The following PRKAR1B variants were observed in gnomAD, a reference collection of about 807,000 sequenced individuals.
The protein encoded by PRKAR1B is protein kinase cAMP-dependent type I regulatory subunit beta, also known as cAMP-dependent protein kinase type I-beta regulatory subunit.
A neutral mutation model predicts 46.5 loss-of-function variants in PRKAR1B; 22 were observed. The observed-to-expected ratio is 0.47, with a 90% CI of 0.34 to 0.68. The LOEUF is 0.68. PRKAR1B is among the 30% of genes least tolerant of loss of function. PRKAR1B has a pLI of 0.01. For synonymous variants in PRKAR1B, 259 were observed against 217.7 expected, an observed-to-expected ratio of 1.19 and a Z score of -1.67; for missense variants, 445 against 535.6, an observed-to-expected ratio of 0.83 and a Z score of 1.67.
chr7:549,870 C>CAGCACACGCTCGAAG lies in PRKAR1B; in HGVS notation c.*559_*560insCTTCGAGCGTGTGCT. On this transcript the variant is annotated 3_prime_UTR_variant, in exon 11 of 11. Coordinates refer to ENST00000537384, the MANE Select transcript of PRKAR1B (RefSeq NM_001164760.2). Reference sequence around the variant, plus strand: ...CACTCCGGCATCCGCAGCAGGGCCCCCGGGGGAGGTGGGGGTGCGGCGGGG... The same window carrying CAGCACACGCTCGAAG: ...CACTCCGGCATCCGCAGCAGGGCCCCAGCACACGCTCGAAGCGGGGGAGGTGGGGGTGCGGCGGGG... 1 of 155,954 alleles carries CAGCACACGCTCGAAG rather than the reference C, an allele frequency of 6.4e-6. No individual in the cohort carries two copies. Among genetic ancestry groups the CAGCACACGCTCGAAG allele is most frequent in the Non-Finnish European group, 1.4e-5 (1 of 70,134 alleles). The allele number at this position is 155,954 out of a possible 1,614,324, so 9.7% of individuals were successfully genotyped here.
At chr7:572,160 G>A (rs1267523687) in intron 9 of PRKAR1B, among the ~76,000 whole-genome samples, 1 of 152,180 alleles carries the variant, frequency 6.6e-6, no homozygotes, top group East Asian at 1.9e-4. Flanking sequence ...AGGCCCTGGG[G>A]CTCAGGGCTC....
Position 596,164 on chromosome 7 carries a change from G to C in PRKAR1B, c.690C>G (p.Ser230Arg). ...AACTCACCATAAGGATGCGCCGGTA[G>C]CTGTCCCGGTCGATCCCCCAGAGCT... ...DLKLWGIDRD[S>R]YRRILMGSTL... is the part of the protein sequence containing the mutation. The change falls in exon 7 of 11, where the codon AGC (serine) becomes AGG (arginine). Residue 230 changes from serine to arginine, a missense_variant. Coordinates refer to ENST00000537384, the MANE Select transcript of PRKAR1B (RefSeq NM_001164760.2). 1 of 1,613,776 alleles carries C rather than the reference G, an allele frequency of 6.2e-7. No individual in the cohort carries two copies. Among genetic ancestry groups the C allele is most frequent in the Non-Finnish European group, 8.5e-7 (1 of 1,179,834 alleles).
chr7:583,941 C>G (rs111510449), intron 8 of PRKAR1B, among the ~76,000 whole-genome samples: 1 of 152,168 alleles, frequency 6.6e-6, no homozygotes, highest in African/African-American at 2.4e-5. Flanking sequence ...GCTTCAGCAG[C>G]GTCTTTCCTG....
intron 4 of PRKAR1B, among the ~76,000 whole-genome samples, chr7:660,735 C>T (rs1298214911): frequency 3.0e-5 from 4 of 132,658 alleles, no homozygotes; most frequent in African/African-American, 5.9e-5. Context: ...CACAGGTCCC[C>T]ACCCCAACGG....
intron 4 of PRKAR1B, among the ~76,000 whole-genome samples, chr7:637,122 CA>C (rs1220370050): frequency 1.3e-5 from 2 of 152,122 alleles, no homozygotes; most frequent in African/African-American, 4.8e-5. Context: ...CCCATCTCTA[CA>C]AAAACATACA....
rs1781676697 is a variant in PRKAR1B at position 602,390 on chromosome 7, G to A, written c.549+3803C>T. On this transcript the variant is annotated intron_variant, in intron 6 of 10. Coordinates refer to ENST00000537384, the MANE Select transcript of PRKAR1B (RefSeq NM_001164760.2). This position sits in a 1 kb window ranked among gnomAD's most constrained non-coding sequence, Gnocchi z 6.4. ...GGGATTCTGCGAGGATGAGGAGGAG[G>A]AGGAGGAGGTCCCGCCAAGGTCAGC... 6.6e-6 allele frequency among the ~76,000 whole-genome samples: 1 copy of A among 152,220 alleles called. No individual in the cohort carries two copies. Among genetic ancestry groups the A allele is most frequent in the Non-Finnish European group, 1.5e-5 (1 of 68,024 alleles).
In PRKAR1B at chr7:641,409, T is replaced by G. The variant is rs1263966606; in HGVS notation, c.441-33957A>C. Reference sequence around the variant, plus strand: ...TCCAAACAGAAAACAACACAAATGATGCCGCATTGTTCATAATAGCTCCGA... The same window carrying G: ...TCCAAACAGAAAACAACACAAATGAGGCCGCATTGTTCATAATAGCTCCGA... On this transcript the variant is annotated intron_variant, in intron 4 of 10. Coordinates refer to ENST00000537384, the MANE Select transcript of PRKAR1B (RefSeq NM_001164760.2). Among the ~76,000 whole-genome samples, 3 of 152,106 alleles carry G rather than the reference T, an allele frequency of 2.0e-5. No individual in the cohort carries two copies. The East Asian group carries it at 5.8e-4, about 29-fold the overall frequency.
chr7:693,004 G>A (rs1010610858), intron 2 of PRKAR1B, among the ~76,000 whole-genome samples: 1 of 151,656 alleles, frequency 6.6e-6, no homozygotes, highest in African/African-American at 2.4e-5. Flanking sequence ...GTGCGATCTC[G>A]GCTCACTGCA....
At chr7:685,849 C>T (rs1474540780) in intron 2 of PRKAR1B, among the ~76,000 whole-genome samples, 2 of 152,074 alleles carry the variant, frequency 1.3e-5, no homozygotes, top group African/African-American at 4.8e-5. Flanking sequence ...TCAGAATTTA[C>T]TTACAAAGCA....
chr7:551,947 G>A (rs1311048489), intron 9 of PRKAR1B, among the ~76,000 whole-genome samples: 39 of 32,520 alleles, frequency 1.2e-3, no homozygotes, highest in Middle Eastern at 0.02. Flanking sequence ...CCCACCTCCC[G>A]CCCGGGTCCT....
intron 2 of PRKAR1B, among the ~76,000 whole-genome samples, chr7:703,221 T>C (rs1780152969): frequency 6.6e-6 from 1 of 152,194 alleles, no homozygotes; most frequent in Admixed American, 6.5e-5. Context: ...CCCAAATGTA[T>C]ATGCAACTAA....
In PRKAR1B at chr7:553,385, G is replaced by A. The variant is rs147033861; in HGVS notation, c.892-1915C>T. 5.4e-3 allele frequency among the ~76,000 whole-genome samples: 823 copies of A among 152,312 alleles called. 11 individuals carry two copies. Among genetic ancestry groups the A allele is most frequent in the African/African-American group, 0.019 (777 of 41,574 alleles). Reference sequence around the variant, plus strand: ...CTCTCTCTGCACCACGCTCCGACCGGTCCCTAGTCCCCGGAGGCAGGGCCC... The same window carrying A: ...CTCTCTCTGCACCACGCTCCGACCGATCCCTAGTCCCCGGAGGCAGGGCCC... On this transcript the variant is annotated intron_variant, in intron 9 of 10. Transcript: ENST00000537384.
intron 4 of PRKAR1B, among the ~76,000 whole-genome samples, chr7:669,986 C>T (rs1786142365): frequency 6.6e-6 from 1 of 150,642 alleles, no homozygotes; most frequent in Non-Finnish European, 1.5e-5. Flanking sequence ...CTGCCTCAGC[C>T]TCCTTAGCAG....
Position 593,686 on chromosome 7 carries a change from G to A in PRKAR1B, c.708+2460C>T, listed in dbSNP as rs1043999194. On this transcript the variant is annotated intron_variant, in intron 7 of 10. Coordinates refer to ENST00000537384, the MANE Select transcript of PRKAR1B (RefSeq NM_001164760.2). This position sits in a 1 kb window ranked among gnomAD's most constrained non-coding sequence, Gnocchi z 6.1. ...GGGTGTCTCAGGGGACCCCTCCCAC[G>A]CGGCGACAGAGGCCTCCCAGTGAAG... 1.3e-5 allele frequency among the ~76,000 whole-genome samples: 2 copies of A among 152,136 alleles called. No homozygotes were observed. Among genetic ancestry groups the A allele is most frequent in the African/African-American group, 4.8e-5 (2 of 41,436 alleles).
intron 2 of PRKAR1B, among the ~76,000 whole-genome samples, chr7:685,298 A>ACGTATATATACGTATATATACG (rs1263590458): frequency 2.7e-4 from 4 of 14,800 alleles, no homozygotes; most frequent in African/African-American, 1.3e-3. Flanking sequence ...ATGTATACAT[A>ACGTATATATACGTATATATACG]TATATATACG....
intron 4 of PRKAR1B, among the ~76,000 whole-genome samples, chr7:625,455 C>T (rs753122346): frequency 3.9e-5 from 6 of 152,284 alleles, no homozygotes; most frequent in Non-Finnish European, 5.9e-5. Context: ...TAAAGAAAAT[C>T]GATGCAGCCA....
chr7:550,481 G>T lies in PRKAR1B; in HGVS notation c.1095C>A (p.Ile365=), dbSNP rs752059939. 23 of 1,598,490 alleles carry T rather than the reference G, an allele frequency of 1.4e-5. No homozygotes were observed. In the Admixed American group the frequency reaches 1.6e-4, roughly 11 times the overall value. ...FERVLGPCSE[I]LKRNIQRYNS... ...TGTAACGCTGAATGTTCCTCTTGAG[G>T]ATCTCAGAGCAGGGCCCCAGCACAC... is the stretch of plus-strand genomic sequence containing the variant. The change falls in exon 11 of 11, where the codon ATC becomes ATA. Residue 365 remains isoleucine (I), a synonymous_variant. Coordinates refer to ENST00000537384, the MANE Select transcript of PRKAR1B (RefSeq NM_001164760.2).
At position 727,213 on chromosome 7, in the gene PRKAR1B, G is replaced by T; in HGVS notation, c.-26C>A. On this transcript the variant is annotated 5_prime_UTR_variant, in exon 1 of 11. Coordinates refer to ENST00000537384, the MANE Select transcript of PRKAR1B (RefSeq NM_001164760.2). ...CGGCGCCGCGCTCGCGCCCCACCTG[G>T]ACGACGCTCTGCGCGCGCTGCGCTG... is the stretch of plus-strand genomic sequence containing the variant. 2 of 1,351,246 alleles carry T rather than the reference G, an allele frequency of 1.5e-6. No homozygotes were observed. The highest frequency in any genetic ancestry group is 1.9e-6 in the Non-Finnish European group (2 of 1,050,524). The allele number at this position is 1,351,246 out of a possible 1,614,324, so 83.7% of individuals were successfully genotyped here.
chr7:549,349 C>T lies in PRKAR1B; in HGVS notation c.*1081G>A, dbSNP rs1032259334. 5 of 152,282 alleles carry T rather than the reference C, an allele frequency of 3.3e-5. No homozygotes were observed. The highest frequency in any genetic ancestry group is 6.5e-5 in the Admixed American group (1 of 15,288). The allele number at this position is 152,282 out of a possible 1,614,324, so 9.4% of individuals were successfully genotyped here. On this transcript the variant is annotated 3_prime_UTR_variant, in exon 11 of 11. Coordinates refer to ENST00000537384, the MANE Select transcript of PRKAR1B (RefSeq NM_001164760.2). ...GGAGGGGGACCCCACGCATCGTAACCGCCAGCAGGGGAGGGGCTGCAACGA... is the reference window on the plus strand; with the variant it reads ...GGAGGGGGACCCCACGCATCGTAACTGCCAGCAGGGGAGGGGCTGCAACGA...
Sources: allele counts gnomAD v4.1 joint callset (sites outside exome capture counted in the v4.1 genomes callset), GRCh38; gene constraint gnomAD v4.1.1; non-coding constraint Gnocchi (gnomAD v3.1); transcripts MANE v1.5; gene names NCBI Gene and HGNC (gene_info 2026-07-23, HGNC 2026-07-21).